PPP1R9B: variants seen among roughly 807,000 people sequenced by gnomAD.
PPP1R9B encodes neurabin-2.
PPP1R9B carries 17 observed loss-of-function variants against 75.8 expected under a neutral mutation model. That is an observed-to-expected ratio of 0.22 (90% CI 0.15 to 0.34). The LOEUF is 0.34. Among genes scored for constraint, PPP1R9B ranks in the 10% least tolerant of loss-of-function variants. The probability of loss-of-function intolerance (pLI) is 1.00; values close to 1 mark genes in which losing one functional copy is unlikely to be tolerated. For missense variants in PPP1R9B, 875 were observed against 1,196.0 expected (o/e 0.73, Z 3.96); for synonymous variants, 509 against 535.4 (o/e 0.95, Z 0.68).
Position 50,150,529 on chromosome 17 carries a change from G to A in PPP1R9B, c.-16C>T, listed in dbSNP as rs1204092693. 2 of 1,316,684 alleles carry A rather than the reference G, an allele frequency of 1.5e-6. No homozygotes were observed. Among genetic ancestry groups the A allele is most frequent in the Non-Finnish European group, 1.9e-6 (2 of 1,032,758 alleles). 81.6% of individuals were successfully genotyped at this position (1,316,684 alleles called of 1,614,324 possible). A position where few individuals can be genotyped will look rare whatever the true frequency, so the allele number is the denominator to read the frequency against. ...TCTTCATCATGGTGGGGGGAGCCGGGTTCGCATGCCCCTGCTCCCCGCTCC... is the reference window on the plus strand; with the variant it reads ...TCTTCATCATGGTGGGGGGAGCCGGATTCGCATGCCCCTGCTCCCCGCTCC... On this transcript the variant is annotated 5_prime_UTR_variant, in exon 1 of 10. Transcript: ENST00000612501. This position sits in a 1 kb window ranked among gnomAD's most constrained non-coding sequence, Gnocchi z 8.7.
chr17:50,139,783 G>A lies in PPP1R9B; in HGVS notation c.1867-202C>T, dbSNP rs924143984. Among the ~76,000 whole-genome samples the A allele has an allele frequency of 2.0e-5, 3 of 152,164 alleles. No homozygotes were observed. Among genetic ancestry groups the A allele is most frequent in the African/African-American group, 7.2e-5 (3 of 41,434 alleles). The stretch of plus-strand genomic sequence containing the variant: ...CCTGGTAGTCCCCTGATGACAGAGG[G>A]GGTCAGTTCCTCATCAGCCTGGGTC... On this transcript the variant is annotated intron_variant, in intron 5 of 9. Coordinates refer to ENST00000612501, the MANE Select transcript of PPP1R9B (RefSeq NM_032595.5). The surrounding 1 kb of genome is among the most constrained non-coding windows in gnomAD (Gnocchi z 5.0).
chr17:50,137,568 G>A (rs1335199910), intron 7 of PPP1R9B, among the ~76,000 whole-genome samples: 1 of 152,026 alleles, frequency 6.6e-6, no homozygotes, highest in Non-Finnish European at 1.5e-5. Context: ...CCTATACTCT[G>A]AGCAGTCCTG....
chr17:50,145,978 C>T (rs1214973413), intron 1 of PPP1R9B: 1 of 153,020 alleles, frequency 6.5e-6, no homozygotes, highest in Non-Finnish European at 1.5e-5. Context: ...GCCGCTCTCC[C>T]TCCACAACTG....
rs181046903 is a variant in PPP1R9B, at chr17:50,139,531, C to T, written c.1917G>A (p.Pro639=). 2.9e-4 allele frequency: 456 copies of T among 1,595,246 alleles called. 2 individuals are homozygous for T. The East Asian group carries it at 8.2e-3, about 29-fold the overall frequency. Residue 639 remains proline (P), a synonymous_variant, in exon 6 of 10, where the codon CCG becomes CCA. Transcript: ENST00000612501. This position sits in a 1 kb window ranked among gnomAD's most constrained non-coding sequence, Gnocchi z 5.0. The part of the protein sequence containing the change: ...DEDEELSPTF[P]GGEMAIEVFE... Reference sequence around the variant, plus strand: ...ACACCTCGATGGCCATCTCACCACCCGGGAACGTGGGGCTCAGCTCCTCAT... The same window carrying T: ...ACACCTCGATGGCCATCTCACCACCTGGGAACGTGGGGCTCAGCTCCTCAT...
At chr17:50,147,863 G>A (rs967726422) in intron 1 of PPP1R9B, among the ~76,000 whole-genome samples, 8 of 152,280 alleles carry the variant, frequency 5.3e-5, no homozygotes, top group Non-Finnish European at 1.2e-4. Context: ...GAGGGGCAGA[G>A]GCTGACATTC....
chr17:50,141,556 G>C (rs1912379236), intron 3 of PPP1R9B, among the ~76,000 whole-genome samples, 183 bp from the exon 4 acceptor site: 1 of 151,898 alleles, frequency 6.6e-6, no homozygotes, highest in South Asian at 2.1e-4. Context: ...CCAGTTACTT[G>C]GGAGGATGAA....
intron 1 of PPP1R9B, among the ~76,000 whole-genome samples, chr17:50,145,623 G>A (rs1308009554): frequency 5.3e-5 from 8 of 152,124 alleles, no homozygotes; most frequent in Non-Finnish European, 1.0e-4. Context: ...AGACAGGCGA[G>A]AGGGGACACA....
intron 2 of PPP1R9B, among the ~76,000 whole-genome samples, chr17:50,144,386 A>T (rs996988720): frequency 6.6e-6 from 1 of 152,110 alleles, no homozygotes; most frequent in Non-Finnish European, 1.5e-5. Flanking sequence ...CCGCTCTGCC[A>T]TCTTCCTGTC....
At chr17:50,146,716 C>T (rs1007943170) in intron 1 of PPP1R9B, among the ~76,000 whole-genome samples, 3 of 152,156 alleles carry the variant, frequency 2.0e-5, no homozygotes, top group Admixed American at 2.0e-4. Context: ...TCCATTGCAC[C>T]CCTCGAACAA....
chr17:50,135,947 GC>G lies in PPP1R9B; in HGVS notation c.2303+20del. 1.8e-6 allele frequency: 1 copy of G among 568,364 alleles called. No individual in the cohort carries two copies. Among genetic ancestry groups the G allele is most frequent in the Non-Finnish European group, 3.2e-6 (1 of 310,910 alleles). The allele number at this position is 568,364 out of a possible 1,614,324, so 35.2% of individuals were successfully genotyped here. A position where few individuals can be genotyped will look rare whatever the true frequency, so the allele number is the denominator to read the frequency against. On this transcript the variant is annotated intron_variant, in intron 8 of 9. Coordinates refer to ENST00000612501, the MANE Select transcript of PPP1R9B (RefSeq NM_032595.5). Reference sequence around the variant, plus strand: ...TCTCAATGCTCCCTGGGCCCAGCCCGCCCAGCCCCCAGCCACGTACTTCTGC... The same window carrying G: ...TCTCAATGCTCCCTGGGCCCAGCCCGCCAGCCCCCAGCCACGTACTTCTGC...
Position 50,139,304 on chromosome 17 carries a change from G to A in PPP1R9B, c.2032C>T (p.His678Tyr). ...VHKFKELQIK[H>Y]AVTEAEIQQL... ...TGGATCTCTGCCTCAGTGACCGCATGCTTGATCTGGAGCTGTTGGGCAGAG... is the reference window on the plus strand; with the variant it reads ...TGGATCTCTGCCTCAGTGACCGCATACTTGATCTGGAGCTGTTGGGCAGAG... Residue 678 changes from histidine (H) to tyrosine (Y), a missense_variant, in exon 7 of 10, where the codon CAT (histidine) becomes TAT (tyrosine). Transcript: ENST00000612501. This position sits in a 1 kb window ranked among gnomAD's most constrained non-coding sequence, Gnocchi z 5.0. 1.2e-6 allele frequency: 2 copies of A among 1,614,032 alleles called. No homozygotes were observed. The highest frequency in any genetic ancestry group is 1.7e-6 in the Non-Finnish European group (2 of 1,179,900).
At chr17:50,135,798 G>T in intron 8 of PPP1R9B, 149 bp from the exon 9 acceptor site, 5 of 871,282 alleles carry the variant, frequency 5.7e-6, no homozygotes, top group Non-Finnish European at 8.8e-6. Flanking sequence ...GCCTCTGGGG[G>T]TCTGGCTCTG....
In PPP1R9B at chr17:50,150,306, G is replaced by A. The variant is rs1912662179; in HGVS notation, c.208C>T (p.Pro70Ser). 7.0e-7 allele frequency: 1 copy of A among 1,436,824 alleles called. No individual in the cohort carries two copies. Among genetic ancestry groups the A allele is most frequent in the Non-Finnish European group, 9.2e-7 (1 of 1,092,310 alleles). 89.0% of individuals were successfully genotyped at this position (1,436,824 alleles called of 1,614,324 possible). The change falls in exon 1 of 10, where the codon CCC becomes TCC. Residue 70 changes from proline (P) to serine (S), a missense_variant. Transcript: ENST00000612501. The surrounding 1 kb of genome is among the most constrained non-coding windows in gnomAD (Gnocchi z 8.7). Reference sequence around the variant, plus strand: ...GCGCCGCCGCCCGCCTCGCCCGAGGGCCCCGCCGTCGTGCCCATCTGCAGG... The same window carrying A: ...GCGCCGCCGCCCGCCTCGCCCGAGGACCCCGCCGTCGTGCCCATCTGCAGG... ...MFLQMGTTAG[P>S]SGEAGGGAGL...
In PPP1R9B at chr17:50,139,115, G is replaced by A. The variant is rs996290980; in HGVS notation, c.2073+148C>T. Reference sequence around the variant, plus strand: ...ATCCAGAGCTTAAGCTCTTAATATCGTATCTATCATATCATCTTGCTTTAG... The same window carrying A: ...ATCCAGAGCTTAAGCTCTTAATATCATATCTATCATATCATCTTGCTTTAG... On this transcript the variant is annotated intron_variant, in intron 7 of 9. Coordinates refer to ENST00000612501, the MANE Select transcript of PPP1R9B (RefSeq NM_032595.5). The surrounding 1 kb of genome is among the most constrained non-coding windows in gnomAD (Gnocchi z 5.0). 18 of 854,676 alleles carry A rather than the reference G, an allele frequency of 2.1e-5. No homozygotes were observed. The highest frequency in any genetic ancestry group is 3.9e-5 in the Admixed American group (2 of 51,802). The allele number at this position is 854,676 out of a possible 1,614,324, so 52.9% of individuals were successfully genotyped here. A position where few individuals can be genotyped will look rare whatever the true frequency, so the allele number is the denominator to read the frequency against.
intron 7 of PPP1R9B, among the ~76,000 whole-genome samples, chr17:50,138,189 TG>T (rs1912278583): frequency 7.8e-6 from 1 of 128,830 alleles, no homozygotes; most frequent in African/African-American, 3.1e-5. Flanking sequence ...TGTGTGTGTG[TG>T]TGTGTGCCAC....
rs1192913841 is a variant in PPP1R9B at position 50,140,304 on chromosome 17, C to G, written c.1731-76G>C. The stretch of plus-strand genomic sequence containing the variant: ...CATCATCCTCCCTGCTGATGCTCCC[C>G]TCTCCAAACTCAGGCCCTCCCAGGG... On this transcript the variant is annotated intron_variant, in intron 4 of 9. Coordinates refer to ENST00000612501, the MANE Select transcript of PPP1R9B (RefSeq NM_032595.5). 6 of 1,514,100 alleles carry G rather than the reference C, an allele frequency of 4.0e-6. No homozygotes were observed. The East Asian group carries it at 1.5e-4, about 37-fold the overall frequency. The allele number at this position is 1,514,100 out of a possible 1,614,324, so 93.8% of individuals were successfully genotyped here.
chr17:50,145,055 G>T, intron 2 of PPP1R9B, 58 bp downstream of exon 2: 1 of 1,591,196 alleles, frequency 6.3e-7, no homozygotes. Context: ...TGGTGCCAGA[G>T]ATGAGACCCG....
chr17:50,135,551 A>C lies in PPP1R9B; in HGVS notation c.2400+2T>G. On this transcript the variant is annotated splice_donor_variant, in intron 9 of 9. Coordinates refer to ENST00000612501, the MANE Select transcript of PPP1R9B (RefSeq NM_032595.5). LOFTEE classifies it high-confidence loss of function. ...CCTGCCCACAGGGCGCCCCAGGCCC[A>C]CCTTGTCCAGGAGCTTGTCCATCTC... 6.2e-7 allele frequency: 1 copy of C among 1,609,950 alleles called. No individual in the cohort carries two copies. The highest frequency in any genetic ancestry group is 8.5e-7 in the Non-Finnish European group (1 of 1,177,900).
chr17:50,142,882 A>G lies in PPP1R9B; in HGVS notation c.1625+716T>C, dbSNP rs983145464. Among the ~76,000 whole-genome samples, 1 of 152,084 alleles carries G rather than the reference A, an allele frequency of 6.6e-6. No individual in the cohort carries two copies. The highest frequency in any genetic ancestry group is 2.4e-5 in the African/African-American group (1 of 41,398). ...CCTGTCTCCAGAGCCACTGCCATCA[A>G]TGGGTCTAGTCACAGCCTCCTGGCC... On this transcript the variant is annotated intron_variant, in intron 3 of 9. Transcript: ENST00000612501. The surrounding 1 kb of genome is among the most constrained non-coding windows in gnomAD (Gnocchi z 4.1).
Sources: allele counts gnomAD v4.1 joint callset (sites outside exome capture counted in the v4.1 genomes callset), GRCh38; gene constraint gnomAD v4.1.1; non-coding constraint Gnocchi (gnomAD v3.1); transcripts MANE v1.5; gene names NCBI Gene and HGNC (gene_info 2026-07-23, HGNC 2026-07-21).